EBF1: variants seen among roughly 807,000 people sequenced by gnomAD.
The protein encoded by EBF1 is transcription factor COE1.
Under a neutral mutation model 68.4 loss-of-function variants are expected in EBF1, and 10 were observed. The ratio of observed to expected loss-of-function variants is 0.15; its 90% confidence interval spans 0.09 to 0.25. The LOEUF is 0.25. Ranked by LOEUF, EBF1 falls within the 10% of genes least tolerant of loss-of-function variation. The pLI is 1.00. For missense variants in EBF1, 509 were observed against 794.4 expected (o/e 0.64, Z 4.32); for synonymous variants, 298 against 299.8 (o/e 0.99, Z 0.06).
At chr5:158,894,315 G>A (rs1801753272) in intron 6 of EBF1, among the ~76,000 whole-genome samples, 1 of 151,892 alleles carries the variant, frequency 6.6e-6, no homozygotes, top group South Asian at 2.1e-4. Context: ...TTGAGTTAGG[G>A]AAGAGGCCAT....
chr5:159,023,086 C>T (rs950956651), intron 6 of EBF1, among the ~76,000 whole-genome samples: 1 of 151,772 alleles, frequency 6.6e-6, no homozygotes, highest in Non-Finnish European at 1.5e-5. Context: ...ATCGTGAAAG[C>T]TTGGGGCCAT....
chr5:158,800,280 AC>A (rs1201276126), intron 8 of EBF1, among the ~76,000 whole-genome samples: 1 of 152,168 alleles, frequency 6.6e-6, no homozygotes, highest in Non-Finnish European at 1.5e-5. Context: ...ATATATATGA[AC>A]CTGTATATGA....
chr5:158,937,607 A>C (rs1269007462), intron 6 of EBF1, among the ~76,000 whole-genome samples: 1 of 152,166 alleles, frequency 6.6e-6, no homozygotes, highest in African/African-American at 2.4e-5. Context: ...AGAAAGGAAA[A>C]CTTGGGCTGA....
chr5:158,921,575 G>T (rs1480590318), intron 6 of EBF1, among the ~76,000 whole-genome samples: 1 of 152,190 alleles, frequency 6.6e-6, no homozygotes, highest in Non-Finnish European at 1.5e-5. Context: ...TGAGTCATTT[G>T]TATCACCTAA....
chr5:158,772,066 T>G (rs1300429863), intron 10 of EBF1, among the ~76,000 whole-genome samples: 1 of 152,144 alleles, frequency 6.6e-6, no homozygotes, highest in Non-Finnish European at 1.5e-5. Flanking sequence ...CAGAGCACAG[T>G]GAGCCAAACT....
chr5:158,833,183 G>A (rs1397922346), intron 7 of EBF1, among the ~76,000 whole-genome samples: 1 of 151,546 alleles, frequency 6.6e-6, no homozygotes, highest in Admixed American at 6.6e-5. Flanking sequence ...GTGCGTGACT[G>A]TAGTCCCAGC....
chr5:158,963,660 T>G (rs745752234), intron 6 of EBF1, among the ~76,000 whole-genome samples: 1 of 152,014 alleles, frequency 6.6e-6, no homozygotes. Context: ...GTAACTTGGG[T>G]AGGAAAAAAA....
At chr5:159,077,436 A>G (rs1778974458) in intron 5 of EBF1, among the ~76,000 whole-genome samples, 1 of 152,170 alleles carries the variant, frequency 6.6e-6, no homozygotes, top group South Asian at 2.1e-4. Context: ...CTCCGTCTCA[A>G]AAAGAAAAAA....
intron 6 of EBF1, among the ~76,000 whole-genome samples, chr5:158,851,835 G>A (rs144912604): frequency 7.8e-5 from 7 of 90,058 alleles, no homozygotes; most frequent in Non-Finnish European, 1.1e-4. Flanking sequence ...AGGAAGGGAC[G>A]GGAAGGGAAG....
chr5:158,989,494 G>A (rs1759830453), intron 6 of EBF1, among the ~76,000 whole-genome samples: 1 of 152,196 alleles, frequency 6.6e-6, no homozygotes, highest in South Asian at 2.1e-4. Context: ...AGACATCAGT[G>A]TAATCCACCA....
chr5:158,819,418 G>T (rs150055644), intron 8 of EBF1, among the ~76,000 whole-genome samples: 2 of 152,210 alleles, frequency 1.3e-5, no homozygotes, highest in Non-Finnish European at 2.9e-5. Context: ...CTGCACCACA[G>T]TGTTGTGAGG....
chr5:158,761,992 A>G (rs1771568677), intron 10 of EBF1, among the ~76,000 whole-genome samples: 1 of 152,216 alleles, frequency 6.6e-6, no homozygotes, highest in South Asian at 2.1e-4. Context: ...AAACTATTCT[A>G]AGTAGTATAG....
rs1287795635 is a variant in EBF1, at chr5:158,696,888, G to A, written c.*2223C>T. ...ACAAAACAGTTCTTTTGTGCTTTTC[G>A]ATTTCTTTGTTTTTTTTTTTTTCTT... On this transcript the variant is annotated 3_prime_UTR_variant, in exon 16 of 16. Coordinates refer to ENST00000313708, the MANE Select transcript of EBF1 (RefSeq NM_024007.5). 13 of 197,660 alleles carry A rather than the reference G, an allele frequency of 6.6e-5. No individual in the cohort carries two copies. The highest frequency in any genetic ancestry group is 1.2e-4 in the Non-Finnish European group (12 of 96,240). The allele number at this position is 197,660 out of a possible 1,614,324, so 12.2% of individuals were successfully genotyped here. A position where few individuals can be genotyped will look rare whatever the true frequency, so the allele number is the denominator to read the frequency against.
chr5:158,760,522 T>G (rs1771183574), intron 10 of EBF1, among the ~76,000 whole-genome samples: 1 of 152,154 alleles, frequency 6.6e-6, no homozygotes, highest in African/African-American at 2.4e-5. Context: ...ATGGTGGCTT[T>G]AAGGCAATAT....
intron 6 of EBF1, among the ~76,000 whole-genome samples, chr5:158,846,528 C>T (rs1368383295): frequency 1.3e-5 from 2 of 152,216 alleles, no homozygotes; most frequent in Non-Finnish European, 1.5e-5. Flanking sequence ...TCCTGGTAGC[C>T]TTCAAAGACA....
chr5:159,062,071 G>T (rs1238706400), intron 6 of EBF1, among the ~76,000 whole-genome samples: 2 of 152,144 alleles, frequency 1.3e-5, no homozygotes, highest in African/African-American at 4.8e-5. Flanking sequence ...GTCTGTCTGC[G>T]CTATCTGCCT....
intron 11 of EBF1, among the ~76,000 whole-genome samples, chr5:158,724,622 T>C (rs1561747368): frequency 6.6e-6 from 1 of 152,320 alleles, no homozygotes; most frequent in South Asian, 2.1e-4. Context: ...TCACTAAACA[T>C]GAATGCTCTT....
At chr5:158,934,938 C>G (rs1164670427) in intron 6 of EBF1, among the ~76,000 whole-genome samples, 1 of 152,192 alleles carries the variant, frequency 6.6e-6, no homozygotes, top group Admixed American at 6.5e-5. Flanking sequence ...GAAAAGGAAA[C>G]AGACTTGTTG....
At chr5:159,092,514 G>A (rs1473608372) in intron 4 of EBF1, among the ~76,000 whole-genome samples, 2 of 152,188 alleles carry the variant, frequency 1.3e-5, no homozygotes, top group Non-Finnish European at 2.9e-5. Flanking sequence ...TTGAAAAGGT[G>A]TGAAATACTG....
Sources: gnomAD v4.1 joint callset for allele counts (sites outside exome capture counted in the v4.1 genomes callset) on GRCh38, gnomAD v4.1.1 for gene constraint, MANE v1.5 for transcripts, NCBI Gene and HGNC (gene_info 2026-07-23, HGNC 2026-07-21) for gene names.